Variants in CNTNAP2 observed in about 807,000 individuals in gnomAD.
CNTNAP2 encodes contactin-associated protein-like 2.
CNTNAP2 carries 98 observed loss-of-function variants against 155.2 expected under a neutral mutation model. The observed-to-expected ratio is 0.63, with a 90% confidence interval of 0.54 to 0.75. The LOEUF is 0.75. CNTNAP2 is among the 30% of genes least tolerant of loss of function. The pLI, the probability that CNTNAP2 is intolerant of heterozygous loss-of-function variation, is 0.00. For synonymous variants in CNTNAP2, 651 were observed against 631.2 expected, an observed-to-expected ratio of 1.03 and a Z score of -0.47; for missense variants, 1,727 against 1,688.1, an observed-to-expected ratio of 1.02 and a Z score of -0.40.
intron 8 of CNTNAP2, among the ~76,000 whole-genome samples, chr7:147,187,978 T>C (rs1275851525): frequency 6.6e-6 from 1 of 151,998 alleles, no homozygotes; most frequent in Non-Finnish European, 1.5e-5. Flanking sequence ...GGAGGACCAT[T>C]TAAGCCCGGG....
intron 17 of CNTNAP2, among the ~76,000 whole-genome samples, chr7:148,151,125 G>A (rs1003743873): frequency 1.3e-5 from 2 of 152,122 alleles, no homozygotes; most frequent in African/African-American, 2.4e-5. Flanking sequence ...TAACAATATG[G>A]TCTTTGACTA....
chr7:147,776,850 C>T (rs1797592589), intron 13 of CNTNAP2, among the ~76,000 whole-genome samples: 1 of 150,834 alleles, frequency 6.6e-6, no homozygotes, highest in Non-Finnish European at 1.5e-5. Flanking sequence ...TGAGTCCTTC[C>T]TAATGATGTT....
chr7:147,082,637 G>A (rs1800159886), intron 4 of CNTNAP2: 1 of 152,078 alleles, frequency 6.6e-6, no homozygotes, highest in South Asian at 2.1e-4. Flanking sequence ...TCTGTGCTTT[G>A]AAAGATCACA....
chr7:146,950,342 A>T (rs1008681722), intron 3 of CNTNAP2, among the ~76,000 whole-genome samples: 89 of 152,190 alleles, frequency 5.8e-4, no homozygotes, highest in African/African-American at 2.1e-3. Flanking sequence ...TCTGGGATAC[A>T]TGTGCAGGTT....
At chr7:148,150,883 T>C (rs376394226) in intron 17 of CNTNAP2, among the ~76,000 whole-genome samples, 3 of 152,000 alleles carry the variant, frequency 2.0e-5, no homozygotes, top group East Asian at 2.0e-4. Flanking sequence ...GCTGGGACTA[T>C]AGGCTCATGC....
intron 10 of CNTNAP2, among the ~76,000 whole-genome samples, chr7:147,403,409 C>T (rs1350211523): frequency 6.6e-6 from 1 of 152,160 alleles, no homozygotes; most frequent in Non-Finnish European, 1.5e-5. Flanking sequence ...ATGTCCTTAA[C>T]CTCAGCAAAA....
At chr7:146,501,921 G>A (rs891704822) in intron 1 of CNTNAP2, among the ~76,000 whole-genome samples, 18 of 152,000 alleles carry the variant, frequency 1.2e-4, no homozygotes, top group Admixed American at 5.2e-4. Flanking sequence ...GCCATGGAAT[G>A]CCTGGGGCTA....
intron 15 of CNTNAP2, among the ~76,000 whole-genome samples, chr7:148,000,041 A>G (rs1057378816): frequency 6.6e-6 from 1 of 152,188 alleles, no homozygotes; most frequent in East Asian, 1.9e-4. Flanking sequence ...TCCTAATCAA[A>G]GAATGTGGAG....
chr7:147,224,693 T>C (rs1339970621), intron 8 of CNTNAP2, among the ~76,000 whole-genome samples: 4 of 152,174 alleles, frequency 2.6e-5, no homozygotes, highest in African/African-American at 9.6e-5. Context: ...GGGTGAAGTA[T>C]GAATGGGTGA....
chr7:147,227,774 T>G (rs1020538637), intron 8 of CNTNAP2, among the ~76,000 whole-genome samples: 1 of 152,146 alleles, frequency 6.6e-6, no homozygotes, highest in African/African-American at 2.4e-5. Flanking sequence ...AGGGAAGATG[T>G]GGAATAGGCA....
intron 13 of CNTNAP2, among the ~76,000 whole-genome samples, chr7:147,883,650 A>G (rs532408012): frequency 6.6e-6 from 1 of 152,318 alleles, no homozygotes; most frequent in South Asian, 2.1e-4. Flanking sequence ...GCCTCAGGTG[A>G]AATCCAATTT....
intron 3 of CNTNAP2, among the ~76,000 whole-genome samples, chr7:147,034,713 G>A (rs1584796007): frequency 6.6e-6 from 1 of 152,112 alleles, no homozygotes; most frequent in Non-Finnish European, 1.5e-5. Flanking sequence ...AAGGGGGATG[G>A]AGTGGGAAGC....
chr7:147,002,500 C>T (rs1175145957), intron 3 of CNTNAP2, among the ~76,000 whole-genome samples: 1 of 152,008 alleles, frequency 6.6e-6, no homozygotes, highest in South Asian at 2.1e-4. Flanking sequence ...TTAGAATGAA[C>T]ACATACATTC....
chr7:147,563,368 C>T (rs889392458), intron 12 of CNTNAP2, among the ~76,000 whole-genome samples: 7 of 152,166 alleles, frequency 4.6e-5, no homozygotes, highest in South Asian at 2.1e-4. Flanking sequence ...TGGTGGTTCA[C>T]GCCTGTAATC....
chr7:148,043,133 A>G (rs1057426355), intron 15 of CNTNAP2, among the ~76,000 whole-genome samples: 1 of 152,170 alleles, frequency 6.6e-6, no homozygotes, highest in African/African-American at 2.4e-5. Context: ...AGCCTGATAC[A>G]TTGCCACCTC....
At chr7:146,461,686 G>A (rs867257106) in intron 1 of CNTNAP2, among the ~76,000 whole-genome samples, 20 of 152,208 alleles carry the variant, frequency 1.3e-4, no homozygotes, top group South Asian at 4.1e-4. Context: ...TTTTGACTCC[G>A]TACACTGTAT....
chr7:146,411,842 A>ATTAT (rs60418332), intron 1 of CNTNAP2, among the ~76,000 whole-genome samples: 1,933 of 121,916 alleles, frequency 0.016, 41 homozygotes, highest in African/African-American at 0.064. Context: ...TTATTTATTT[A>ATTAT]TTTATTTTAT....
At chr7:147,574,237 CT>C (rs137955230) in intron 12 of CNTNAP2, among the ~76,000 whole-genome samples, 1 of 152,056 alleles carries the variant, frequency 6.6e-6, no homozygotes, top group Non-Finnish European at 1.5e-5. Flanking sequence ...AATAAAACAT[CT>C]TTTTTTCCCT....
intron 3 of CNTNAP2, among the ~76,000 whole-genome samples, chr7:147,019,625 A>G (rs768098594): frequency 1.3e-4 from 20 of 152,070 alleles, no homozygotes; most frequent in Admixed American, 6.6e-4. Flanking sequence ...TTTATGCTCA[A>G]TGACCCTTCT....
Sources: gnomAD v4.1 joint callset for allele counts (sites outside exome capture counted in the v4.1 genomes callset) on GRCh38, gnomAD v4.1.1 for gene constraint, MANE v1.5 for transcripts, NCBI Gene and HGNC (gene_info 2026-07-23, HGNC 2026-07-21) for gene names.